NCAM1: variants seen among roughly 807,000 people sequenced by gnomAD.
NCAM1 encodes the protein neural cell adhesion molecule 1.
Under a neutral mutation model 109.8 loss-of-function variants are expected in NCAM1, and 14 were observed. The ratio of observed to expected loss-of-function variants is 0.13; its 90% CI spans 0.08 to 0.20. The LOEUF is 0.20. NCAM1 is among the 10% of genes least tolerant of loss of function. The pLI, the probability that NCAM1 is intolerant of heterozygous loss-of-function variation, is 1.00. For synonymous variants in NCAM1, 418 were observed against 442.9 expected (o/e 0.94, Z 0.70); for missense variants, 774 against 1,109.9 (o/e 0.70, Z 4.30).
Position 113,255,950 on chromosome 11 carries a change from G to T in NCAM1, c.1902G>T (p.Lys634Asn). The T allele has an allele frequency of 6.2e-7, 1 of 1,608,368 alleles. No individual in the cohort carries two copies. Among genetic ancestry groups the T allele is most frequent in the Non-Finnish European group, 8.5e-7 (1 of 1,177,526 alleles). ...ACTCTATTAAAGTGAACCTGATCAA[G>T]CAGGATGACGGCGGCTCCCCCATCA... ...DGNSIKVNLI[K>N]QDDGGSPIRH... The change falls in exon 16 of 20, where the codon AAG becomes AAT. Residue 634 changes from lysine to asparagine, a missense_variant. Lys to Asn is a moderately conservative substitution (Grantham distance 94). This residue lies in a region of NCAM1 where 523 missense variants were observed against 784.2 expected (regional missense o/e 0.67). Transcript: ENST00000316851.
At chr11:113,220,602 C>G (rs111282349) in intron 8 of NCAM1, among the ~76,000 whole-genome samples, 2 of 75,584 alleles carry the variant, frequency 2.6e-5, no homozygotes, top group Non-Finnish European at 4.7e-5. Flanking sequence ...CTCTCTCTCT[C>G]TTTTTTTTTT....
chr11:113,139,988 C>T (rs1224253344), intron 1 of NCAM1, among the ~76,000 whole-genome samples: 1 of 152,146 alleles, frequency 6.6e-6, no homozygotes, highest in Non-Finnish European at 1.5e-5. Context: ...AGATCAAACC[C>T]TTGCAGCCTC....
At chr11:113,252,799 CTTTTTTTTTTTTTTTTTTTT>C (rs33948720) in intron 15 of NCAM1, among the ~76,000 whole-genome samples, 1 of 39,706 alleles carries the variant, frequency 2.5e-5, no homozygotes, top group African/African-American at 9.6e-5. Flanking sequence ...CTATGCCCAG[CTTTTTTTTTTTTTTTTTTTT>C]TTTTTTTTTT....
chr11:113,061,608 C>T (rs1395143813), intron 1 of NCAM1, among the ~76,000 whole-genome samples: 1 of 152,226 alleles, frequency 6.6e-6, no homozygotes, highest in Non-Finnish European at 1.5e-5. Context: ...ATGTCCTGTT[C>T]CCCATTGGGC....
chr11:113,195,388 TACAC>T (rs1555110637), intron 1 of NCAM1, among the ~76,000 whole-genome samples: 1 of 151,174 alleles, frequency 6.6e-6, no homozygotes, highest in African/African-American at 2.4e-5. Context: ...ATTCTATTAA[TACAC>T]ACACATATTT....
At chr11:113,237,319 G>C (rs1351517708) in intron 14 of NCAM1, among the ~76,000 whole-genome samples, 3 of 152,132 alleles carry the variant, frequency 2.0e-5, no homozygotes, top group Non-Finnish European at 4.4e-5. Context: ...TCATAAAAAG[G>C]CTCCCAGCTC....
At position 113,269,153 on chromosome 11, in the gene NCAM1, A is replaced by G. The variant is rs687544; in HGVS notation, c.2132-1035A>G. Among the ~76,000 whole-genome samples the G allele has an allele frequency of 9.9e-3, 1,512 of 152,202 alleles. 23 individuals carry two copies. The highest frequency in any genetic ancestry group is 0.034 in the African/African-American group (1,400 of 41,530). ...CACTGATGGGAACCACCAAGAGGTC[A>G]ATTGGTCCATCCCAGGCAACTAGTG... On this transcript the variant is annotated intron_variant, in intron 17 of 19. Coordinates refer to ENST00000316851, the MANE Select transcript of NCAM1 (RefSeq NM_181351.5).
intron 1 of NCAM1, among the ~76,000 whole-genome samples, chr11:113,028,291 C>T (rs1414020907): frequency 1.3e-5 from 2 of 151,912 alleles, no homozygotes; most frequent in Non-Finnish European, 2.9e-5. Flanking sequence ...CACACTGTAC[C>T]CCATAAGCAT....
At chr11:113,022,482 C>T (rs576482800) in intron 1 of NCAM1, among the ~76,000 whole-genome samples, 4 of 152,232 alleles carry the variant, frequency 2.6e-5, no homozygotes, top group South Asian at 2.1e-4. Flanking sequence ...ATGTAGCCAG[C>T]GGCTTCATAT....
chr11:113,137,753 G>C (rs576038190), intron 1 of NCAM1, among the ~76,000 whole-genome samples: 1 of 152,310 alleles, frequency 6.6e-6, no homozygotes, highest in Admixed American at 6.5e-5. Flanking sequence ...TTGAGCTGAA[G>C]TGTTCTTCAG....
intron 1 of NCAM1, among the ~76,000 whole-genome samples, chr11:113,098,241 G>A (rs1425183188): frequency 1.3e-5 from 2 of 152,062 alleles, no homozygotes; most frequent in Admixed American, 6.5e-5. Context: ...GTTGTCCCTC[G>A]GTATAGAGGA....
intron 1 of NCAM1, among the ~76,000 whole-genome samples, chr11:113,103,801 T>C (rs2853192): frequency 0.81 from 123,291 of 152,066 alleles, 50,472 homozygotes; most frequent in African/African-American, 0.93. Context: ...GAAGTAACCG[T>C]GGGCGATATG....
chr11:113,194,822 C>A (rs573150075), intron 1 of NCAM1, among the ~76,000 whole-genome samples: 9 of 152,292 alleles, frequency 5.9e-5, no homozygotes, highest in East Asian at 1.9e-4. Flanking sequence ...GGGCCTGTGG[C>A]GACTTTAGAC....
chr11:112,981,253 T>C (rs1951148606), intron 1 of NCAM1, among the ~76,000 whole-genome samples: 2 of 152,022 alleles, frequency 1.3e-5, no homozygotes, highest in Middle Eastern at 6.8e-3. Context: ...TTTGTAATCT[T>C]TCCTTCATGA....
intron 14 of NCAM1, chr11:113,243,824 A>G: frequency 4.2e-6 from 1 of 236,832 alleles, no homozygotes; most frequent in Non-Finnish European, 8.9e-6. Flanking sequence ...CCCCGGGCCA[A>G]GCTTTCCAAT....
intron 14 of NCAM1, chr11:113,242,876 A>G (rs782095632): frequency 1.2e-6 from 2 of 1,613,900 alleles, no homozygotes; most frequent in Non-Finnish European, 1.7e-6. Context: ...GCTCTCGGCC[A>G]GACCTCTGAT....
chr11:113,191,476 C>A (rs1467038369), intron 1 of NCAM1, among the ~76,000 whole-genome samples: 49 of 152,296 alleles, frequency 3.2e-4, no homozygotes, highest in Non-Finnish European at 4.4e-5. Context: ...TTGAGATTGA[C>A]TTTATAGAAA....
At chr11:113,051,676 T>C (rs1029539976) in intron 1 of NCAM1, among the ~76,000 whole-genome samples, 11 of 152,198 alleles carry the variant, frequency 7.2e-5, no homozygotes, top group Admixed American at 2.6e-4. Context: ...CATTTCTCTG[T>C]GTCATCATAT....
chr11:113,041,660 C>A (rs1280018950), intron 1 of NCAM1, among the ~76,000 whole-genome samples: 1 of 149,968 alleles, frequency 6.7e-6, no homozygotes, highest in Non-Finnish European at 1.5e-5. Context: ...CTCTTCTTGT[C>A]ATGTAATTTT....
Sources: allele counts gnomAD v4.1 joint callset (sites outside exome capture counted in the v4.1 genomes callset), GRCh38; gene constraint gnomAD v4.1.1; regional missense constraint gnomAD v4.1.1; transcripts MANE v1.5; gene names NCBI Gene and HGNC (gene_info 2026-07-23, HGNC 2026-07-21).